Variants in VPS16 observed in about 807,000 individuals in gnomAD.
VPS16 encodes vacuolar protein sorting-associated protein 16 homolog.
In VPS16, 82 loss-of-function variants were observed where a neutral mutation model predicts 116.0. The ratio of observed to expected loss-of-function variants is 0.71; its 90% CI spans 0.59 to 0.85. VPS16 has a LOEUF of 0.85. VPS16 is among the 40% of genes least tolerant of loss of function. The pLI, the probability that VPS16 is intolerant of heterozygous loss-of-function variation, is 0.00. For synonymous variants in VPS16, 406 were observed against 420.7 expected (o/e 0.96, Z 0.43); for missense variants, 928 against 1,090.6 (o/e 0.85, Z 2.10).
intron 1 of VPS16, among the ~76,000 whole-genome samples, chr20:2,856,757 A>G (rs1206380629): frequency 6.6e-6 from 1 of 152,146 alleles, no homozygotes; most frequent in Admixed American, 6.5e-5. Flanking sequence ...TGCTAGCTTT[A>G]TTATTTGCTC....
At chr20:2,843,884 G>A (rs1339561309) in intron 1 of VPS16, among the ~76,000 whole-genome samples, 1 of 152,216 alleles carries the variant, frequency 6.6e-6, no homozygotes, top group African/African-American at 2.4e-5. Flanking sequence ...TGCTGGGGAG[G>A]ATATTTATGT....
chr20:2,847,513 T>A (rs2089072858), intron 1 of VPS16, among the ~76,000 whole-genome samples: 1 of 147,002 alleles, frequency 6.8e-6, no homozygotes, highest in Admixed American at 6.9e-5. Context: ...GGACTCTTGC[T>A]CTGTCGCCAG....
At chr20:2,852,571 A>T (rs781275227) in intron 1 of VPS16, among the ~76,000 whole-genome samples, 12 of 152,218 alleles carry the variant, frequency 7.9e-5, no homozygotes, top group Non-Finnish European at 1.6e-4. Context: ...TTATGGGTTC[A>T]GTTCCAGACT....
In VPS16 at chr20:2,865,954, T is replaced by G; in HGVS notation, c.2272-258T>G. The G allele has an allele frequency of 5.7e-6, 3 of 523,314 alleles. No individual in the cohort carries two copies. The highest frequency in any genetic ancestry group is 3.3e-5 in the Admixed American group (1 of 30,748). 32.4% of individuals were successfully genotyped at this position (523,314 alleles called of 1,614,324 possible). A position where few individuals can be genotyped will look rare whatever the true frequency, so the allele number is the denominator to read the frequency against. ...TGGCAGGAACGCCTGTTGCAAGGGG[T>G]AATGGTGGGTGGTAGAGCAGAAGCG... On this transcript the variant is annotated intron_variant, in intron 22 of 23. Coordinates refer to ENST00000380445, the MANE Select transcript of VPS16 (RefSeq NM_022575.4). This position sits in a 1 kb window ranked among gnomAD's most constrained non-coding sequence, Gnocchi z 5.2.
chr20:2,861,332 C>T (rs757269594), intron 8 of VPS16, 52 bp downstream of exon 8: 9 of 1,611,622 alleles, frequency 5.6e-6, no homozygotes, highest in East Asian at 2.2e-5. Context: ...TAGCTTGCTT[C>T]CTGGGACAAT....
intron 1 of VPS16, among the ~76,000 whole-genome samples, chr20:2,846,802 G>A (rs1027834391): frequency 6.6e-6 from 1 of 152,156 alleles, no homozygotes; most frequent in African/African-American, 2.4e-5. Context: ...CAGCTGCCCT[G>A]CCACAGAAAT....
intron 8 of VPS16, 76 bp downstream of exon 8, chr20:2,861,356 C>T (rs1002837533): frequency 1.7e-5 from 27 of 1,600,594 alleles, no homozygotes; most frequent in South Asian, 2.2e-5. Context: ...TTCCTTGATT[C>T]GTCATGTCTA....
chr20:2,861,524 C>T (rs561515611), intron 8 of VPS16, 91 bp from the exon 9 acceptor site: 3 of 1,466,032 alleles, frequency 2.0e-6, no homozygotes, highest in South Asian at 1.3e-5. Context: ...CAAGTGTATA[C>T]AGGCTGTCCC....
chr20:2,862,594 G>A lies in VPS16; in HGVS notation c.1087G>A (p.Ala363Thr). The stretch of plus-strand genomic sequence containing the variant: ...TCCCCACCAGAAAGAGAGCCAGAAG[G>A]CGGACGAGTACCTGCGGGAGATCCA... ...QKEYEKESQK[A>T]DEYLREIQEL... Residue 363 changes from alanine (A) to threonine (T), a missense_variant, in exon 12 of 24, where the codon GCG becomes ACG. Physicochemically the swap from Ala to Thr is moderately conservative, Grantham distance 58 (BLOSUM62 0). Transcript: ENST00000380445. The A allele has an allele frequency of 6.2e-7, 1 of 1,613,562 alleles. No homozygotes were observed. The highest frequency in any genetic ancestry group is 1.1e-5 in the South Asian group (1 of 91,048).
intron 1 of VPS16, among the ~76,000 whole-genome samples, chr20:2,850,965 CAA>C (rs57731229): frequency 7.7e-4 from 70 of 91,436 alleles, no homozygotes; most frequent in Middle Eastern, 5.8e-3. Context: ...GTAAGACTGT[CAA>C]AAAAAAAAAA....
At chr20:2,846,180 G>A (rs558576776) in intron 1 of VPS16, among the ~76,000 whole-genome samples, 7 of 141,386 alleles carry the variant, frequency 5.0e-5, no homozygotes, top group Admixed American at 7.6e-5. Flanking sequence ...GCAGTGGCGC[G>A]ATCTCAGCTC....
intron 1 of VPS16, among the ~76,000 whole-genome samples, chr20:2,850,058 A>G (rs773208206): frequency 4.6e-5 from 7 of 152,248 alleles, no homozygotes; most frequent in Non-Finnish European, 1.0e-4. Context: ...GTGGGGGCTC[A>G]TGCCTGTAAT....
At chr20:2,842,639 G>A (rs1041106599) in intron 1 of VPS16, among the ~76,000 whole-genome samples, 11 of 96,882 alleles carry the variant, frequency 1.1e-4, no homozygotes, top group African/African-American at 4.7e-4. Flanking sequence ...TCTATCTATA[G>A]ATAGATAGAT....
chr20:2,843,468 A>C (rs961102793), intron 1 of VPS16, among the ~76,000 whole-genome samples: 1 of 152,140 alleles, frequency 6.6e-6, no homozygotes, highest in South Asian at 2.1e-4. Context: ...ATGCCTGTGC[A>C]GTATGAAAAA....
At chr20:2,840,910 G>C in intron 1 of VPS16, 83 bp downstream of exon 1, 8 of 1,338,246 alleles carry the variant, frequency 6.0e-6, no homozygotes, top group Non-Finnish European at 8.2e-6. Context: ...GTTCGCCCCT[G>C]TCACTACTGG....
intron 1 of VPS16, among the ~76,000 whole-genome samples, chr20:2,845,388 A>G (rs1428406120): frequency 6.6e-6 from 1 of 152,164 alleles, no homozygotes; most frequent in African/African-American, 2.4e-5. Context: ...GGTACTAAGA[A>G]GCATCTTATG....
intron 11 of VPS16, 122 bp downstream of exon 11, chr20:2,862,252 C>A: frequency 2.5e-6 from 3 of 1,210,814 alleles, no homozygotes; most frequent in African/African-American, 1.5e-5. Context: ...CTGGTCTGGG[C>A]TGGGGAGGGC....
rs1408954103 is a variant in VPS16 at position 2,860,906 on chromosome 20, G to C, written c.630+43G>C. 2 of 1,614,092 alleles carry C rather than the reference G, an allele frequency of 1.2e-6. No individual in the cohort carries two copies. On this transcript the variant is annotated intron_variant, in intron 6 of 23. Coordinates refer to ENST00000380445, the MANE Select transcript of VPS16 (RefSeq NM_022575.4). This position sits in a 1 kb window ranked among gnomAD's most constrained non-coding sequence, Gnocchi z 6.1. ...GAATGAAGTGGACGGGCTGGGTTAG[G>C]CAATAGGGAGGTTCTGAAAAGTCAG...
Position 2,861,047 on chromosome 20 carries a change from C to A in VPS16, c.708C>A (p.Leu236=), listed in dbSNP as rs1568627528. The change falls in exon 7 of 24, where the codon CTC becomes CTA. Residue 236 remains leucine (L), a synonymous_variant. Transcript: ENST00000380445. ...AVSFTYRHLA[L]FTDTGYIWMG... is the part of the protein sequence containing the mutation. ...CCTTCACCTACCGACACCTGGCACTCTTCACAGACACAGGCTACATCTGGA... is the reference window on the plus strand; with the variant it reads ...CCTTCACCTACCGACACCTGGCACTATTCACAGACACAGGCTACATCTGGA... 2 of 1,614,228 alleles carry A rather than the reference C, an allele frequency of 1.2e-6. No individual in the cohort carries two copies. Among genetic ancestry groups the A allele is most frequent in the Middle Eastern group, 3.3e-4 (2 of 6,062 alleles).
Sources: allele counts gnomAD v4.1 joint callset (sites outside exome capture counted in the v4.1 genomes callset), GRCh38; gene constraint gnomAD v4.1.1; non-coding constraint Gnocchi (gnomAD v3.1); transcripts MANE v1.5; gene names NCBI Gene and HGNC (gene_info 2026-07-23, HGNC 2026-07-21).